Variants in MCTP1 observed in about 807,000 individuals in gnomAD.
MCTP1 encodes multiple C2 and transmembrane domain-containing protein 1.
In MCTP1, 69 loss-of-function variants were observed where a neutral mutation model predicts 120.6. The ratio of observed to expected loss-of-function variants is 0.57; its 90% CI spans 0.47 to 0.70. The LOEUF (loss-of-function observed/expected upper bound fraction) is 0.70. MCTP1 is among the 30% of genes least tolerant of loss of function. The pLI is 0.00. For synonymous variants in MCTP1, 529 were observed against 493.1 expected, an observed-to-expected ratio of 1.07 and a Z score of -0.96; for missense variants, 1,203 against 1,248.8, an observed-to-expected ratio of 0.96 and a Z score of 0.55.
At chr5:94,898,027 TG>T (rs1227317356) in intron 10 of MCTP1, among the ~76,000 whole-genome samples, 1 of 152,194 alleles carries the variant, frequency 6.6e-6, no homozygotes, top group Admixed American at 6.5e-5. Context: ...AATTGAATTT[TG>T]AAACTATGAA....
intron 1 of MCTP1, among the ~76,000 whole-genome samples, chr5:95,120,360 A>G (rs747053142): frequency 1.3e-5 from 2 of 152,094 alleles, no homozygotes; most frequent in Non-Finnish European, 2.9e-5. Context: ...TGATACCAAA[A>G]TCAGACAAAG....
intron 2 of MCTP1, among the ~76,000 whole-genome samples, chr5:94,971,366 TA>T (rs779624959): frequency 5.8e-4 from 88 of 150,980 alleles, no homozygotes; most frequent in African/African-American, 1.6e-3. Context: ...GAATGCAATT[TA>T]AAAAAAAATG....
At chr5:94,795,621 A>G (rs1779842242) in intron 18 of MCTP1, among the ~76,000 whole-genome samples, 1 of 152,238 alleles carries the variant, frequency 6.6e-6, no homozygotes, top group Non-Finnish European at 1.5e-5. Flanking sequence ...ACATTTCTGA[A>G]TGAAGCATGT....
intron 17 of MCTP1, among the ~76,000 whole-genome samples, chr5:94,814,136 G>A (rs1784010765): frequency 6.6e-6 from 1 of 151,828 alleles, no homozygotes; most frequent in Non-Finnish European, 1.5e-5. Context: ...ACTCAAAATG[G>A]GTGAATGTTA....
At chr5:95,076,268 C>G (rs1042559448) in intron 1 of MCTP1, among the ~76,000 whole-genome samples, 4 of 152,076 alleles carry the variant, frequency 2.6e-5, no homozygotes, top group African/African-American at 7.2e-5. Flanking sequence ...AAAAGCAAAA[C>G]TGTAGATAAA....
chr5:94,935,926 TG>T (rs1321270628), intron 5 of MCTP1, among the ~76,000 whole-genome samples: 3 of 152,088 alleles, frequency 2.0e-5, no homozygotes, highest in Non-Finnish European at 4.4e-5. Context: ...CAGTATGCTA[TG>T]TTTTTTAGAT....
At chr5:95,101,686 G>T (rs1329317204) in intron 1 of MCTP1, among the ~76,000 whole-genome samples, 1 of 152,194 alleles carries the variant, frequency 6.6e-6, no homozygotes, top group South Asian at 2.1e-4. Context: ...CTCCAACACT[G>T]CATTAGTTAG....
At chr5:95,123,180 T>C (rs1758365072) in intron 1 of MCTP1, among the ~76,000 whole-genome samples, 1 of 152,222 alleles carries the variant, frequency 6.6e-6, no homozygotes, top group Non-Finnish European at 1.5e-5. Context: ...CCATTTACCC[T>C]GATATGATTA....
intron 17 of MCTP1, among the ~76,000 whole-genome samples, chr5:94,844,259 G>A (rs1370026245): frequency 1.5e-5 from 2 of 129,532 alleles, no homozygotes; most frequent in East Asian, 4.3e-4. Context: ...CCGAGATCGC[G>A]CCATTGCACT....
intron 10 of MCTP1, among the ~76,000 whole-genome samples, chr5:94,908,772 A>C (rs566537124): frequency 1.3e-5 from 2 of 152,046 alleles, no homozygotes; most frequent in Non-Finnish European, 2.9e-5. Context: ...GATCTGCCTC[A>C]CTTACATGCT....
intron 1 of MCTP1, among the ~76,000 whole-genome samples, chr5:95,049,533 TA>T (rs1406616000): frequency 6.6e-6 from 1 of 151,988 alleles, no homozygotes; most frequent in African/African-American, 2.4e-5. Flanking sequence ...GTCTATAAAC[TA>T]AAAAAGTCTA....
At chr5:94,992,843 A>T (rs924849720) in intron 2 of MCTP1, among the ~76,000 whole-genome samples, 4 of 152,190 alleles carry the variant, frequency 2.6e-5, no homozygotes, top group Non-Finnish European at 5.9e-5. Flanking sequence ...TGTCTCTCAA[A>T]GAAAGACAAA....
Position 95,061,037 on chromosome 5 carries a change from GCATGAAGC to G in MCTP1, c.721-43561_721-43554del, listed in dbSNP as rs199861352. 4.4e-3 allele frequency among the ~76,000 whole-genome samples: 613 copies of G among 138,776 alleles called. 7 individuals are homozygous for G. The highest frequency in any genetic ancestry group is 0.016 in the African/African-American group (584 of 36,404). The allele number at this position is 138,776 out of a possible 152,430, so 91.0% of individuals were successfully genotyped here. A position where few individuals can be genotyped will look rare whatever the true frequency, so the allele number is the denominator to read the frequency against. On this transcript the variant is annotated intron_variant, in intron 1 of 22. Coordinates refer to ENST00000515393, the MANE Select transcript of MCTP1 (RefSeq NM_024717.7). Reference sequence around the variant, plus strand: ...TTTTTTTTTGCATTCTTAATTCCCAGCATGAAGCCATGAAGCCATTAGGCCTTTGTTGG... The same window carrying G: ...TTTTTTTTTGCATTCTTAATTCCCAGCATGAAGCCATTAGGCCTTTGTTGG...
intron 19 of MCTP1, among the ~76,000 whole-genome samples, chr5:94,752,147 T>TATATATATATATATATATATATATA (rs1554087388): frequency 2.0e-5 from 1 of 51,196 alleles, no homozygotes; most frequent in Non-Finnish European, 5.8e-5. Context: ...ATATATATAT[T>TATATATATATATATATATATATATA]CAAAATAGCT....
chr5:95,159,181 C>A (rs1034793683), intron 1 of MCTP1, among the ~76,000 whole-genome samples: 2 of 152,278 alleles, frequency 1.3e-5, no homozygotes, highest in South Asian at 4.1e-4. Flanking sequence ...TGTCTACTAA[C>A]TTAGTATAAA....
intron 1 of MCTP1, among the ~76,000 whole-genome samples, chr5:95,165,769 G>T (rs1746262334): frequency 6.6e-6 from 1 of 152,118 alleles, no homozygotes. Flanking sequence ...TTTCTTACTT[G>T]CTTAGTCATG....
intron 17 of MCTP1, among the ~76,000 whole-genome samples, chr5:94,803,236 G>C (rs1781563643): frequency 6.6e-6 from 1 of 152,180 alleles, no homozygotes; most frequent in East Asian, 1.9e-4. Flanking sequence ...AATCTTCAGG[G>C]GGCATTAGTC....
At chr5:94,829,610 A>G (rs1056674982) in intron 17 of MCTP1, among the ~76,000 whole-genome samples, 1 of 152,146 alleles carries the variant, frequency 6.6e-6, no homozygotes, top group South Asian at 2.1e-4. Flanking sequence ...AGATAAACAC[A>G]ACAGGATGGG....
chr5:94,770,385 C>A (rs78436410), intron 19 of MCTP1, among the ~76,000 whole-genome samples: 6,936 of 152,256 alleles, frequency 0.046, 270 homozygotes, highest in South Asian at 0.16. Context: ...AGTTAACTAG[C>A]TTTCCAGAGG....
Sources: gnomAD v4.1 joint callset for allele counts (sites outside exome capture counted in the v4.1 genomes callset) on GRCh38, gnomAD v4.1.1 for gene constraint, MANE v1.5 for transcripts, NCBI Gene and HGNC (gene_info 2026-07-23, HGNC 2026-07-21) for gene names.